PCNT: variants seen among roughly 807,000 people sequenced by gnomAD.
PCNT encodes pericentrin, also known as kendrin.
In PCNT, 319 loss-of-function variants were observed where a neutral mutation model predicts 380.4. That is an observed-to-expected ratio of 0.84 (90% CI 0.77 to 0.92). PCNT has a LOEUF of 0.92. Among genes scored for constraint, PCNT ranks in the 40% least tolerant of loss-of-function variants. PCNT has a pLI of 0.00. For synonymous variants in PCNT, 1,845 were observed against 1,735.2 expected (o/e 1.06, Z -1.57); for missense variants, 4,400 against 4,255.3 (o/e 1.03, Z -0.95).
chr21:46,353,660 G>A (rs538542555), intron 10 of PCNT, among the ~76,000 whole-genome samples: 2 of 151,788 alleles, frequency 1.3e-5, no homozygotes, highest in South Asian at 4.2e-4. Context: ...GTTGGTGGCA[G>A]GGGCGCTCTC....
At chr21:46,433,151 G>A (rs1405442568) in intron 38 of PCNT, among the ~76,000 whole-genome samples, 2 of 152,128 alleles carry the variant, frequency 1.3e-5, no homozygotes, top group Non-Finnish European at 2.9e-5. Flanking sequence ...GGAGGCCAAG[G>A]CAGGCAGATC....
At chr21:46,412,099 T>A (rs968812065) in intron 28 of PCNT, 32 bp downstream of exon 28, 1 of 1,503,148 alleles carries the variant, frequency 6.7e-7, no homozygotes, top group Admixed American at 1.9e-5. Flanking sequence ...TGGCAGGGTA[T>A]TTTTTTTTAC....
At chr21:46,364,685 C>G (rs1398888846) in intron 14 of PCNT, among the ~76,000 whole-genome samples, 4 of 152,174 alleles carry the variant, frequency 2.6e-5, no homozygotes, top group Non-Finnish European at 5.9e-5. Context: ...TGGTGCTGAC[C>G]CTTTTTGCGA....
Position 46,375,632 on chromosome 21 carries a change from G to A in PCNT, c.3166-6062G>A, listed in dbSNP as rs147922121. Among the ~76,000 whole-genome samples the A allele has an allele frequency of 5.2e-3, 793 of 152,322 alleles. 7 individuals are homozygous for A. The highest frequency in any genetic ancestry group is 0.017 in the African/African-American group (724 of 41,582). On this transcript the variant is annotated intron_variant, in intron 15 of 46. Coordinates refer to ENST00000359568, the MANE Select transcript of PCNT (RefSeq NM_006031.6). Reference sequence around the variant, plus strand: ...GCCCGGTCAGATTGAGGGGGTGGCTGAGGACGCACGCTTCTGCTCGACATT... The same window carrying A: ...GCCCGGTCAGATTGAGGGGGTGGCTAAGGACGCACGCTTCTGCTCGACATT...
At chr21:46,430,859 G>A (rs1321503664) in intron 37 of PCNT, 38 of 985,324 alleles carry the variant, frequency 3.9e-5, no homozygotes, top group African/African-American at 5.2e-5. Context: ...CGAAGAGTGC[G>A]ATGACCCGTG....
intron 2 of PCNT, among the ~76,000 whole-genome samples, chr21:46,333,292 C>T (rs2083615120): frequency 6.6e-6 from 1 of 151,906 alleles, no homozygotes; most frequent in South Asian, 2.1e-4. Flanking sequence ...ATTAGCTGGG[C>T]ATGGTGGCAC....
chr21:46,378,842 T>G (rs2085414668), intron 15 of PCNT, among the ~76,000 whole-genome samples: 1 of 152,238 alleles, frequency 6.6e-6, no homozygotes, highest in Admixed American at 6.5e-5. Context: ...GTCTGCCCTT[T>G]GTGCTCATAT....
At chr21:46,392,854 T>C (rs914122816) in intron 21 of PCNT, among the ~76,000 whole-genome samples, 16 of 152,258 alleles carry the variant, frequency 1.1e-4, no homozygotes, top group African/African-American at 3.6e-4. Context: ...AGGATTAGCC[T>C]GGTGTTTTTC....
intron 41 of PCNT, 78 bp from the exon 42 acceptor site, chr21:46,440,005 C>G (rs1023570427): frequency 1.9e-6 from 3 of 1,587,498 alleles, no homozygotes; most frequent in African/African-American, 1.3e-5. Flanking sequence ...TTCTCCCTCA[C>G]CTGCCCCCGG....
rs749181058 is a variant in PCNT at position 46,430,579 on chromosome 21, G to A, written c.7986G>A (p.Gly2662=). The A allele has an allele frequency of 2.8e-5, 44 of 1,562,114 alleles. No individual in the cohort carries two copies. The highest frequency in any genetic ancestry group is 3.7e-5 in the Non-Finnish European group (43 of 1,153,794). The change falls in exon 37 of 47, where the codon GGG becomes GGA. Residue 2662 remains glycine (G), a synonymous_variant. Transcript: ENST00000359568. ...LQELESEQGK[G]RALQSQLEEE... ...AGCTGGAGAGTGAGCAGGGGAAGGG[G>A]CGTGCCCTGCAGAGCCAGCTGGAGG...
intron 28 of PCNT, 126 bp from the exon 29 acceptor site, chr21:46,412,711 G>A: frequency 1.0e-6 from 1 of 994,968 alleles, no homozygotes; most frequent in African/African-American, 1.6e-5. Flanking sequence ...GGCTGTGGAT[G>A]TCACTGCCAC....
intron 29 of PCNT, among the ~76,000 whole-genome samples, chr21:46,415,416 C>A (rs111235675): frequency 7.8e-6 from 1 of 127,536 alleles, no homozygotes; most frequent in East Asian, 2.3e-4. Flanking sequence ...CTCGCTCTGT[C>A]GCCCAGGCTG....
chr21:46,386,466 C>T (rs1478978785), intron 17 of PCNT, among the ~76,000 whole-genome samples: 1 of 152,224 alleles, frequency 6.6e-6, no homozygotes, highest in Non-Finnish European at 1.5e-5. Flanking sequence ...CTGTCCGTTC[C>T]TTTCTCCATT....
chr21:46,356,310 C>T (rs1309064872), intron 12 of PCNT, among the ~76,000 whole-genome samples: 1 of 152,194 alleles, frequency 6.6e-6, no homozygotes. Context: ...GAAGCCTGGG[C>T]CTGCCTGGGC....
At chr21:46,397,004 A>G (rs2086232770) in intron 21 of PCNT, among the ~76,000 whole-genome samples, 1 of 152,184 alleles carries the variant, frequency 6.6e-6, no homozygotes, top group Admixed American at 6.5e-5. Flanking sequence ...GACTGGGCTT[A>G]GTCGTGTGTT....
At chr21:46,424,095 A>G (rs2087386642) in intron 32 of PCNT, among the ~76,000 whole-genome samples, 1 of 152,166 alleles carries the variant, frequency 6.6e-6, no homozygotes, top group Non-Finnish European at 1.5e-5. Flanking sequence ...AGGTGGCTCC[A>G]GGCGCGTGGG....
rs546690394 is a variant in PCNT at position 46,415,503 on chromosome 21, G to C, written c.6151-566G>C. 4.7e-5 allele frequency among the ~76,000 whole-genome samples: 7 copies of C among 147,478 alleles called. No homozygotes were observed. In the South Asian group the frequency reaches 1.6e-3, roughly 33 times the overall value. The stretch of plus-strand genomic sequence containing the variant: ...TGGGTTCAAGCAATTCACTGCCTCA[G>C]CCTCCCGAGTAGCTAGGATTACAGG... On this transcript the variant is annotated intron_variant, in intron 29 of 46. Coordinates refer to ENST00000359568, the MANE Select transcript of PCNT (RefSeq NM_006031.6).
intron 13 of PCNT, among the ~76,000 whole-genome samples, chr21:46,359,478 C>CTGTT (rs2084607846): frequency 1.4e-5 from 1 of 72,610 alleles, no homozygotes; most frequent in Non-Finnish European, 3.3e-5. Context: ...AAAAATACAC[C>CTGTT]TGTTTTTTTT....
chr21:46,378,838 C>T (rs888328717), intron 15 of PCNT, among the ~76,000 whole-genome samples: 1 of 152,088 alleles, frequency 6.6e-6, no homozygotes, highest in Non-Finnish European at 1.5e-5. Flanking sequence ...CCTCGTCTGC[C>T]CTTTGTGCTC....
Sources: allele counts gnomAD v4.1 joint callset (sites outside exome capture counted in the v4.1 genomes callset), GRCh38; gene constraint gnomAD v4.1.1; transcripts MANE v1.5; gene names NCBI Gene and HGNC (gene_info 2026-07-23, HGNC 2026-07-21).